The following COL23A1 variants were observed in gnomAD, a reference collection of about 807,000 sequenced individuals.
COL23A1 encodes the protein collagen alpha-1(XXIII) chain.
In COL23A1, 97 loss-of-function variants were observed where a neutral mutation model predicts 99.3. The observed-to-expected ratio is 0.98, with a 90% CI of 0.83 to 1.16. The LOEUF (loss-of-function observed/expected upper bound fraction) is 1.16. Ranked by LOEUF, COL23A1 falls within the 50% of genes most tolerant of loss-of-function variation. The pLI is 0.00. For missense variants in COL23A1, 762 were observed against 757.4 expected, an observed-to-expected ratio of 1.01 and a Z score of -0.07; for synonymous variants, 320 against 308.2, an observed-to-expected ratio of 1.04 and a Z score of -0.40.
At chr5:178,339,945 C>G (rs969408863) in intron 2 of COL23A1, among the ~76,000 whole-genome samples, 4 of 152,114 alleles carry the variant, frequency 2.6e-5, no homozygotes, top group African/African-American at 4.8e-5. Context: ...AATAAAAATC[C>G]CACCTAAAAT....
At chr5:178,239,824 C>T (rs533520059) in intron 27 of COL23A1, among the ~76,000 whole-genome samples, 1 of 126,060 alleles carries the variant, frequency 7.9e-6, no homozygotes, top group Non-Finnish European at 1.6e-5. Context: ...GACAGTGACT[C>T]TGGCCTGGGT....
At chr5:178,459,484 G>C (rs562329885) in intron 2 of COL23A1, among the ~76,000 whole-genome samples, 2 of 152,144 alleles carry the variant, frequency 1.3e-5, no homozygotes, top group African/African-American at 2.4e-5. Flanking sequence ...AAGGGGGCCC[G>C]GGGGCAGTGG....
chr5:178,268,734 T>G lies in COL23A1; in HGVS notation c.491A>C (p.Glu164Ala). 6.2e-7 allele frequency: 1 copy of G among 1,604,006 alleles called. No homozygotes were observed. The change falls in exon 7 of 29, where the codon GAA becomes GCA. Residue 164 changes from glutamate (E) to alanine (A), a missense_variant. Transcript: ENST00000390654. ...GKPGLPGPKG[E>A]KGAPGDFGPR... is the part of the protein sequence containing the mutation. ...ACAGCCTCTGGCATCACTTACCTTT[T>G]CCCCTTTCGGGCCTGGAAGTCCCTG...
chr5:178,588,530 T>C (rs916760114), intron 1 of COL23A1, among the ~76,000 whole-genome samples: 4 of 152,228 alleles, frequency 2.6e-5, no homozygotes, highest in African/African-American at 9.6e-5. Context: ...CAAAAGCTAA[T>C]GGGCGGCAAT....
At chr5:178,481,113 A>T (rs1333572255) in intron 2 of COL23A1, among the ~76,000 whole-genome samples, 4 of 132,768 alleles carry the variant, frequency 3.0e-5, no homozygotes, top group Non-Finnish European at 4.6e-5. Flanking sequence ...GCACCACTGC[A>T]CTCCAGAGAC....
intron 4 of COL23A1, among the ~76,000 whole-genome samples, chr5:178,289,417 C>T (rs576665602): frequency 6.6e-6 from 1 of 152,310 alleles, no homozygotes; most frequent in Admixed American, 6.5e-5. Context: ...CTGCCTCTGG[C>T]CGGCCAGGAG....
At chr5:178,263,992 A>C (rs1765775200) in intron 8 of COL23A1, among the ~76,000 whole-genome samples, 1 of 151,972 alleles carries the variant, frequency 6.6e-6, no homozygotes, top group Non-Finnish European at 1.5e-5. Context: ...TCTACGTAAC[A>C]CTCTTGAAAT....
chr5:178,533,966 C>G (rs1176671109), intron 2 of COL23A1, among the ~76,000 whole-genome samples: 1 of 152,184 alleles, frequency 6.6e-6, no homozygotes, highest in African/African-American at 2.4e-5. Flanking sequence ...GGAGTTTGGT[C>G]CAGTATCAGC....
intron 1 of COL23A1, among the ~76,000 whole-genome samples, chr5:178,565,357 T>C (rs1762790775): frequency 6.6e-6 from 1 of 152,222 alleles, no homozygotes. Context: ...GGGTCCATCC[T>C]GTGAGTACAG....
chr5:178,269,542 CCCATCCATCATCCAT>C (rs1446500401), intron 6 of COL23A1, among the ~76,000 whole-genome samples: 20 of 107,964 alleles, frequency 1.9e-4, no homozygotes, highest in Admixed American at 1.1e-3. Context: ...CATCTATCCA[CCCATCCATCATCCAT>C]CCATCCATCC....
At chr5:178,564,848 G>A (rs1165061503) in intron 1 of COL23A1, among the ~76,000 whole-genome samples, 1 of 152,216 alleles carries the variant, frequency 6.6e-6, no homozygotes, top group African/African-American at 2.4e-5. Flanking sequence ...AGAAAAGAAA[G>A]ATGCAATGAT....
chr5:178,248,046 C>A, intron 20 of COL23A1, 146 bp downstream of exon 20: 1 of 725,950 alleles, frequency 1.4e-6, no homozygotes, highest in South Asian at 1.7e-5. Context: ...ACTCTGTTCT[C>A]AGAGGGGTCT....
chr5:178,550,755 G>A (rs1179183650), intron 2 of COL23A1, among the ~76,000 whole-genome samples: 1 of 152,112 alleles, frequency 6.6e-6, no homozygotes, highest in Non-Finnish European at 1.5e-5. Flanking sequence ...GGGGGCGTGT[G>A]ATAATGACAC....
intron 2 of COL23A1, among the ~76,000 whole-genome samples, chr5:178,315,060 C>T (rs936197204): frequency 1.3e-5 from 2 of 152,174 alleles, no homozygotes; most frequent in Admixed American, 6.5e-5. Context: ...AGACCCGAGA[C>T]GACTCCAGCC....
At chr5:178,582,651 T>A (rs917402316) in intron 1 of COL23A1, among the ~76,000 whole-genome samples, 4 of 151,884 alleles carry the variant, frequency 2.6e-5, no homozygotes, top group African/African-American at 9.7e-5. Flanking sequence ...TCTAGAGCCT[T>A]CCCCTCCAGC....
intron 2 of COL23A1, among the ~76,000 whole-genome samples, chr5:178,379,333 G>A (rs1763249152): frequency 6.6e-6 from 1 of 152,124 alleles, no homozygotes; most frequent in African/African-American, 2.4e-5. Context: ...AGTGAAACAA[G>A]CAGAAAAATA....
rs369477107 is a variant in COL23A1 at position 178,324,314 on chromosome 5, T to C, written c.362-17395A>G. Among the ~76,000 whole-genome samples, 5 of 152,334 alleles carry C rather than the reference T, an allele frequency of 3.3e-5. No homozygotes were observed. In the East Asian group the frequency reaches 9.6e-4, roughly 29 times the overall value. ...CCAAGTGGCTTCCTTTTCTCTGTCT[T>C]TAAATATTATTTTCTCTTTTACGAA... On this transcript the variant is annotated intron_variant, in intron 2 of 28. Coordinates refer to ENST00000390654, the MANE Select transcript of COL23A1 (RefSeq NM_173465.4).
At chr5:178,488,871 C>T (rs1757776916) in intron 2 of COL23A1, among the ~76,000 whole-genome samples, 1 of 152,190 alleles carries the variant, frequency 6.6e-6, no homozygotes, top group Non-Finnish European at 1.5e-5. Flanking sequence ...TGAGCACTCA[C>T]CTGGACTTCT....
chr5:178,534,530 C>T (rs1760826555), intron 2 of COL23A1, among the ~76,000 whole-genome samples: 1 of 152,102 alleles, frequency 6.6e-6, no homozygotes, highest in African/African-American at 2.4e-5. Context: ...CTGTTAATCC[C>T]AGCAATTTGG....
Sources: gnomAD v4.1 joint callset for allele counts (sites outside exome capture counted in the v4.1 genomes callset) on GRCh38, gnomAD v4.1.1 for gene constraint, MANE v1.5 for transcripts, NCBI Gene and HGNC (gene_info 2026-07-23, HGNC 2026-07-21) for gene names.